GALNT13: variants seen among roughly 807,000 people sequenced by gnomAD.
GALNT13 encodes the protein UDP-GalNAc:polypeptide N-acetylgalactosaminyltransferase 13.
GALNT13 carries 28 observed loss-of-function variants against 64.2 expected under a neutral mutation model. The observed-to-expected ratio is 0.44, with a 90% CI of 0.32 to 0.60. The LOEUF (loss-of-function observed/expected upper bound fraction) is 0.60, where lower values mean the gene tolerates loss of function less well. GALNT13 is among the 20% of genes least tolerant of loss of function. The probability of loss-of-function intolerance (pLI) is 0.05; values close to 1 mark genes in which losing one functional copy is unlikely to be tolerated. For synonymous variants in GALNT13, 214 were observed against 224.6 expected, an observed-to-expected ratio of 0.95 and a Z score of 0.42; for missense variants, 577 against 669.8, an observed-to-expected ratio of 0.86 and a Z score of 1.53.
the GALNT13 span, among the ~76,000 whole-genome samples, chr2:153,623,396 C>T: frequency 3.7e-3 from 560 of 152,078 alleles, 1 homozygote; most frequent in Non-Finnish European, 6.4e-3. Flanking sequence ...GTGGTGTTTC[C>T]TTTACTGTGG....
chr2:153,224,329 G>A, the GALNT13 span, among the ~76,000 whole-genome samples: 4 of 152,064 alleles, frequency 2.6e-5, no homozygotes, highest in East Asian at 1.9e-4. Context: ...ACTAGAGAAG[G>A]GGGGAAGGGG....
chr2:154,396,335 A>C (rs947696856), intron 10 of GALNT13, among the ~76,000 whole-genome samples: 2 of 152,150 alleles, frequency 1.3e-5, no homozygotes, highest in Admixed American at 6.5e-5. Flanking sequence ...CATTGAACAA[A>C]AAAAAAATTT....
the GALNT13 span, among the ~76,000 whole-genome samples, chr2:153,367,677 C>G: frequency 1.3e-5 from 2 of 152,048 alleles, no homozygotes; most frequent in East Asian, 3.9e-4. Flanking sequence ...TTTTGGATGT[C>G]TGACATATAA....
chr2:153,988,555 C>T (rs1694959099), intron 3 of GALNT13, among the ~76,000 whole-genome samples: 1 of 151,884 alleles, frequency 6.6e-6, no homozygotes, highest in Non-Finnish European at 1.5e-5. Flanking sequence ...CTGCACTTTC[C>T]TTATCCATTT....
the GALNT13 span, among the ~76,000 whole-genome samples, chr2:153,545,317 G>T: frequency 2.0e-5 from 3 of 152,192 alleles, no homozygotes; most frequent in Admixed American, 6.5e-5. Flanking sequence ...CAGAAGGAAA[G>T]AGCAAGGAGA....
chr2:153,535,951 C>T, the GALNT13 span, among the ~76,000 whole-genome samples: 1 of 152,136 alleles, frequency 6.6e-6, no homozygotes, highest in Non-Finnish European at 1.5e-5. Flanking sequence ...TAGGAAAGGA[C>T]TCTACCTATC....
intron 4 of GALNT13, among the ~76,000 whole-genome samples, chr2:154,192,405 C>A (rs1686643924): frequency 6.6e-6 from 1 of 152,122 alleles, no homozygotes; most frequent in Admixed American, 6.5e-5. Flanking sequence ...ACCCAGGGAC[C>A]CGCCCTTCTC....
At chr2:153,116,710 G>T in the GALNT13 span, among the ~76,000 whole-genome samples, 9 of 151,596 alleles carry the variant, frequency 5.9e-5, no homozygotes, top group Admixed American at 3.9e-4. Flanking sequence ...TGGAAAGATG[G>T]CAGTATCATT....
chr2:154,276,702 C>T (rs1191485023), intron 8 of GALNT13, among the ~76,000 whole-genome samples: 1 of 152,192 alleles, frequency 6.6e-6, no homozygotes, highest in Non-Finnish European at 1.5e-5. Flanking sequence ...TCACCCAAAT[C>T]TCATCTTGAA....
At chr2:153,589,840 C>G in the GALNT13 span, among the ~76,000 whole-genome samples, 2 of 152,156 alleles carry the variant, frequency 1.3e-5, no homozygotes, top group African/African-American at 4.8e-5. Context: ...CCACACAATA[C>G]ATGAGAATTC....
chr2:153,419,940 A>G, the GALNT13 span, among the ~76,000 whole-genome samples: 453 of 152,334 alleles, frequency 3.0e-3, 1 homozygote, highest in African/African-American at 0.011. Flanking sequence ...CCATCTATAT[A>G]TAGTTTACAA....
chr2:154,217,560 A>T (rs1220054498), intron 4 of GALNT13, among the ~76,000 whole-genome samples: 1 of 152,118 alleles, frequency 6.6e-6, no homozygotes, highest in Non-Finnish European at 1.5e-5. Context: ...TGTTAGCCTC[A>T]TGAGTTTTAT....
Position 154,259,331 on chromosome 2 carries a change from T to C in GALNT13, c.975+193T>C, listed in dbSNP as rs898506558. Among the ~76,000 whole-genome samples, 2 of 152,200 alleles carry C rather than the reference T, an allele frequency of 1.3e-5. 1 individual carries two copies. The highest frequency in any genetic ancestry group is 2.9e-5 in the Non-Finnish European group (2 of 68,028). On this transcript the variant is annotated intron_variant, in intron 8 of 12. Transcript: ENST00000392825. ...ATATTTTCTTCTAAATGGGAAATTA[T>C]AGGTAATTTTTGTTTTCAAAAATAT...
At chr2:154,189,864 GA>G (rs1315982701) in intron 4 of GALNT13, among the ~76,000 whole-genome samples, 2 of 151,926 alleles carry the variant, frequency 1.3e-5, no homozygotes, top group African/African-American at 4.8e-5. Context: ...CACCTCATAG[GA>G]AAAAAATGGA....
the GALNT13 span, among the ~76,000 whole-genome samples, chr2:153,568,336 G>A: frequency 0.65 from 99,460 of 151,986 alleles, 33,044 homozygotes; most frequent in African/African-American, 0.72. Context: ...TCTCATGTCA[G>A]CCTCCCAAAG....
At chr2:153,763,117 G>C in the GALNT13 span, among the ~76,000 whole-genome samples, 1 of 151,772 alleles carries the variant, frequency 6.6e-6, no homozygotes, top group East Asian at 1.9e-4. Context: ...ACCTATTGTT[G>C]TTTTGATGTA....
the GALNT13 span, among the ~76,000 whole-genome samples, chr2:153,100,541 T>TG: frequency 6.6e-6 from 1 of 152,216 alleles, no homozygotes; most frequent in Non-Finnish European, 1.5e-5. Flanking sequence ...ATGTGACCTG[T>TG]GGGGCTTACG....
intron 1 of GALNT13, among the ~76,000 whole-genome samples, chr2:153,899,258 G>A (rs1031163807): frequency 9.2e-5 from 14 of 152,080 alleles, no homozygotes; most frequent in African/African-American, 3.4e-4. Context: ...TTTGAGCCCA[G>A]GCTTGCCTCC....
At chr2:153,252,431 C>G in the GALNT13 span, among the ~76,000 whole-genome samples, 2 of 138,954 alleles carry the variant, frequency 1.4e-5, no homozygotes, top group Non-Finnish European at 3.1e-5. Flanking sequence ...TGCCTGTTCA[C>G]TCTGATGGTA....
Sources: gnomAD v4.1 joint callset for allele counts (sites outside exome capture counted in the v4.1 genomes callset) on GRCh38, gnomAD v4.1.1 for gene constraint, MANE v1.5 for transcripts, NCBI Gene and HGNC (gene_info 2026-07-23, HGNC 2026-07-21) for gene names.